Variants in MCC observed in about 807,000 individuals in gnomAD.
The protein encoded by MCC is colorectal mutant cancer protein.
Under a neutral mutation model 116.2 loss-of-function variants are expected in MCC, and 90 were observed. That is an observed-to-expected ratio of 0.77 (90% CI 0.65 to 0.92). The LOEUF (loss-of-function observed/expected upper bound fraction) is 0.92. Ranked by LOEUF, MCC falls within the 40% of genes least tolerant of loss-of-function variation. The probability of loss-of-function intolerance (pLI) is 0.00; values close to 1 mark genes in which losing one functional copy is unlikely to be tolerated. For synonymous variants in MCC, 578 were observed against 510.5 expected, an observed-to-expected ratio of 1.13 and a Z score of -1.78; for missense variants, 1,516 against 1,312.2, an observed-to-expected ratio of 1.16 and a Z score of -2.40.
intron 6 of MCC, among the ~76,000 whole-genome samples, chr5:113,114,443 G>T (rs2150264179): frequency 6.6e-6 from 1 of 152,306 alleles, no homozygotes; most frequent in Admixed American, 6.5e-5. Flanking sequence ...AGGAGGCAGA[G>T]AAATTCTAGG....
At chr5:113,201,662 AT>A (rs1344776648) in intron 3 of MCC, among the ~76,000 whole-genome samples, 2 of 152,186 alleles carry the variant, frequency 1.3e-5, no homozygotes, top group Non-Finnish European at 2.9e-5. Flanking sequence ...TATGCTCTAG[AT>A]TTTATGTCAA....
intron 3 of MCC, among the ~76,000 whole-genome samples, chr5:113,202,664 C>T (rs888512473): frequency 1.3e-5 from 2 of 152,006 alleles, no homozygotes; most frequent in African/African-American, 4.8e-5. Context: ...ACATAATTAG[C>T]CTCTGCTTGC....
intron 3 of MCC, among the ~76,000 whole-genome samples, chr5:113,311,634 T>C (rs561532861): frequency 1.3e-5 from 2 of 152,252 alleles, no homozygotes; most frequent in African/African-American, 2.4e-5. Flanking sequence ...TTACACAACA[T>C]TGTTGTGGCA....
chr5:113,046,041 T>C (rs200411424), intron 16 of MCC, among the ~76,000 whole-genome samples: 12 of 152,168 alleles, frequency 7.9e-5, no homozygotes, highest in Middle Eastern at 3.4e-3. Context: ...ATAGCCCAGA[T>C]GGGAGATTTT....
At chr5:113,157,163 T>C (rs146156889) in intron 3 of MCC, among the ~76,000 whole-genome samples, 1 of 152,322 alleles carries the variant, frequency 6.6e-6, no homozygotes, top group African/African-American at 2.4e-5. Context: ...TATTAGGTGC[T>C]TCTGCATTTT....
chr5:113,092,326 T>A (rs1234373729), intron 8 of MCC, among the ~76,000 whole-genome samples: 1 of 152,112 alleles, frequency 6.6e-6, no homozygotes, highest in Non-Finnish European at 1.5e-5. Context: ...AGGGGCATAC[T>A]CAAAGGATGC....
chr5:113,049,167 C>T lies in MCC; in HGVS notation c.2581G>A (p.Val861Met), dbSNP rs1752320270. 8.1e-6 allele frequency: 13 copies of T among 1,614,092 alleles called. No homozygotes were observed. Among genetic ancestry groups the T allele is most frequent in the African/African-American group, 1.3e-5 (1 of 74,930 alleles). ...ATCCGCTGCTCCTTCTGCTCCTCCA[C>T]CTCGGACTTCAGGTGCTCAATGTGC... ...LVHIEHLKSE[V>M]EEQKEQRMRS... Residue 861 changes from valine (V) to methionine (M), a missense_variant, in exon 16 of 19, where the codon GTG becomes ATG. Coordinates refer to ENST00000408903, the MANE Select transcript of MCC (RefSeq NM_001085377.2).
At chr5:113,331,654 G>A (rs1386614426) in intron 3 of MCC, among the ~76,000 whole-genome samples, 4 of 148,604 alleles carry the variant, frequency 2.7e-5, no homozygotes, top group African/African-American at 1.0e-4. Flanking sequence ...TTTTGTTTTT[G>A]AGATGGAGTT....
intron 5 of MCC, among the ~76,000 whole-genome samples, chr5:113,131,049 G>A (rs1255454470): frequency 6.6e-6 from 1 of 152,116 alleles, no homozygotes; most frequent in East Asian, 1.9e-4. Flanking sequence ...TCAGTTCATA[G>A]CAAGAGGGTT....
intron 3 of MCC, among the ~76,000 whole-genome samples, chr5:113,243,139 A>C (rs905574354): frequency 6.6e-6 from 1 of 152,100 alleles, no homozygotes; most frequent in Non-Finnish European, 1.5e-5. Flanking sequence ...CAGGTCTAAA[A>C]ATGGCTGTTA....
At position 113,439,085 on chromosome 5, in the gene MCC, C is replaced by G. The variant is rs76904116; in HGVS notation, c.170+49160G>C. ...TAACAATGCAGGGTCAAAGTCTGAG[C>G]TAAGGAAACAAATTTTGAAAACCAG... On this transcript the variant is annotated intron_variant, in intron 1 of 18. Transcript: ENST00000408903. 7.2e-3 allele frequency among the ~76,000 whole-genome samples: 1,097 copies of G among 152,254 alleles called. 19 individuals carry two copies. The highest frequency in any genetic ancestry group is 0.026 in the African/African-American group (1,068 of 41,542).
At chr5:113,467,808 A>G (rs1379048219) in intron 1 of MCC, among the ~76,000 whole-genome samples, 1 of 152,170 alleles carries the variant, frequency 6.6e-6, no homozygotes, top group Non-Finnish European at 1.5e-5. Flanking sequence ...GATTCTTCCT[A>G]CCCATGAGCA....
intron 3 of MCC, among the ~76,000 whole-genome samples, chr5:113,303,608 C>T (rs759849094): frequency 7.9e-5 from 12 of 152,192 alleles, no homozygotes; most frequent in South Asian, 2.1e-4. Context: ...AGAAATTAGA[C>T]GAGTGTGGAT....
intron 1 of MCC, among the ~76,000 whole-genome samples, chr5:113,470,024 C>A (rs1169101533): frequency 1.3e-5 from 2 of 151,552 alleles, no homozygotes; most frequent in African/African-American, 4.8e-5. Context: ...TTTTGTTTTC[C>A]ATTTGCTTGG....
chr5:113,212,985 G>A (rs961712336), intron 3 of MCC, among the ~76,000 whole-genome samples: 1 of 152,016 alleles, frequency 6.6e-6, no homozygotes, highest in Non-Finnish European at 1.5e-5. Context: ...GTTCTTTCTG[G>A]TTCCAGCGTT....
At chr5:113,372,256 G>A (rs553526045) in intron 2 of MCC, among the ~76,000 whole-genome samples, 1 of 152,266 alleles carries the variant, frequency 6.6e-6, no homozygotes, top group East Asian at 1.9e-4. Context: ...TAAGAAGCAA[G>A]CTAAAATAAT....
At chr5:113,453,979 AC>A (rs1771472189) in intron 1 of MCC, among the ~76,000 whole-genome samples, 1 of 152,114 alleles carries the variant, frequency 6.6e-6, no homozygotes, top group Non-Finnish European at 1.5e-5. Flanking sequence ...GTGTGATGGC[AC>A]ATGATTGTAA....
intron 14 of MCC, 134 bp downstream of exon 14, chr5:113,063,850 G>A (rs1753392097): frequency 6.6e-6 from 6 of 904,388 alleles, no homozygotes; most frequent in Admixed American, 2.8e-5. Flanking sequence ...GATGGAGCAG[G>A]CTGCATGCCA....
At chr5:113,153,148 T>G (rs1261764007) in intron 3 of MCC, among the ~76,000 whole-genome samples, 1 of 152,166 alleles carries the variant, frequency 6.6e-6, no homozygotes, top group Non-Finnish European at 1.5e-5. Flanking sequence ...GAGAAAGGAT[T>G]TGCCACCTCA....
Sources: allele counts gnomAD v4.1 joint callset (sites outside exome capture counted in the v4.1 genomes callset), GRCh38; gene constraint gnomAD v4.1.1; transcripts MANE v1.5; gene names NCBI Gene and HGNC (gene_info 2026-07-23, HGNC 2026-07-21).